Variants in PDE10A observed in about 807,000 individuals in gnomAD.
PDE10A encodes cAMP and cAMP-inhibited cGMP 3',5'-cyclic phosphodiesterase 10A.
PDE10A carries 39 observed loss-of-function variants against 97.7 expected under a neutral mutation model. The observed-to-expected ratio is 0.40, with a 90% CI of 0.31 to 0.52. The LOEUF (loss-of-function observed/expected upper bound fraction) is 0.52. Ranked by LOEUF, PDE10A falls within the 20% of genes least tolerant of loss-of-function variation. The pLI, the probability that PDE10A is intolerant of heterozygous loss-of-function variation, is 0.56. For missense variants in PDE10A, 731 were observed against 1,047.8 expected, an observed-to-expected ratio of 0.70 and a Z score of 4.17; for synonymous variants, 371 against 376.8, an observed-to-expected ratio of 0.98 and a Z score of 0.18.
At chr6:165,917,005 T>A (rs369600627) in intron 1 of PDE10A, among the ~76,000 whole-genome samples, 1 of 152,150 alleles carries the variant, frequency 6.6e-6, no homozygotes, top group East Asian at 1.9e-4. Context: ...ATGTTTCTCC[T>A]AAGACCTGTT....
intron 3 of PDE10A, among the ~76,000 whole-genome samples, chr6:165,459,366 C>CT (rs1464441147): frequency 6.6e-6 from 1 of 152,140 alleles, no homozygotes; most frequent in African/African-American, 2.4e-5. Context: ...TTGTCACATA[C>CT]TTTGCCAGCC....
chr6:165,490,766 C>A (rs2128287083), intron 2 of PDE10A, among the ~76,000 whole-genome samples: 1 of 152,236 alleles, frequency 6.6e-6, no homozygotes, highest in East Asian at 1.9e-4. Context: ...ACCAGCCTGG[C>A]CAACATGGGG....
intron 13 of PDE10A, among the ~76,000 whole-genome samples, chr6:165,396,970 A>C (rs779302110): frequency 3.9e-5 from 6 of 152,202 alleles, no homozygotes; most frequent in Non-Finnish European, 8.8e-5. Flanking sequence ...TACTGTTCTT[A>C]ACAGGACTGA....
chr6:165,424,209 C>A (rs989552947), intron 10 of PDE10A, among the ~76,000 whole-genome samples: 6 of 152,126 alleles, frequency 3.9e-5, no homozygotes, highest in Admixed American at 3.9e-4. Context: ...TACGTTAGAT[C>A]CCATCACAAG....
intron 1 of PDE10A, among the ~76,000 whole-genome samples, chr6:165,677,281 C>T (rs1240108169): frequency 2.0e-5 from 3 of 152,220 alleles, no homozygotes; most frequent in African/African-American, 4.8e-5. Flanking sequence ...AGCCTTCAGG[C>T]TCAAGCTGCA....
intron 2 of PDE10A, among the ~76,000 whole-genome samples, chr6:165,498,085 G>A (rs887217024): frequency 6.6e-6 from 1 of 151,906 alleles, no homozygotes; most frequent in Admixed American, 6.6e-5. Context: ...AGGATGTGGG[G>A]AAATGAGAAG....
At chr6:165,909,855 G>A (rs184740362) in intron 1 of PDE10A, among the ~76,000 whole-genome samples, 1 of 152,044 alleles carries the variant, frequency 6.6e-6, no homozygotes, top group Non-Finnish European at 1.5e-5. Context: ...CCAACTCCTT[G>A]CTGTTCCACC....
intron 1 of PDE10A, among the ~76,000 whole-genome samples, chr6:165,892,033 C>A (rs1057149327): frequency 1.3e-5 from 2 of 152,056 alleles, no homozygotes; most frequent in East Asian, 1.9e-4. Context: ...ATTCTCCCCC[C>A]ACTGACCGGA....
rs146536103 is a variant in PDE10A, at chr6:165,719,371, C to T, written c.-614-175803G>A. On this transcript the variant is annotated intron_variant, in intron 1 of 19. Coordinates refer to the PDE10A transcript ENST00000366882. ...GTGCCCAGAGAGGGAAAGCAGCCAG[C>T]AGGAAGAAAAGGGAAGAATAATGCT... Among the ~76,000 whole-genome samples the T allele has an allele frequency of 9.9e-5, 15 of 152,208 alleles. No homozygotes were observed. In the East Asian group the frequency reaches 2.9e-3, roughly 29 times the overall value.
intron 1 of PDE10A, among the ~76,000 whole-genome samples, chr6:165,670,960 T>C (rs1790631538): frequency 6.6e-6 from 1 of 152,200 alleles, no homozygotes; most frequent in Admixed American, 6.5e-5. Context: ...TTGTCCCTAT[T>C]GATCACATTT....
intron 3 of PDE10A, among the ~76,000 whole-genome samples, chr6:165,481,663 C>T (rs1218991936): frequency 6.6e-6 from 1 of 152,102 alleles, no homozygotes; most frequent in Non-Finnish European, 1.5e-5. Flanking sequence ...TAATTAATCA[C>T]TTATAATTTT....
chr6:165,714,230 C>G (rs1356922180), intron 1 of PDE10A, among the ~76,000 whole-genome samples: 1 of 152,238 alleles, frequency 6.6e-6, no homozygotes, highest in Non-Finnish European at 1.5e-5. Flanking sequence ...CGTGGGCAGT[C>G]AGGATTTCCT....
chr6:165,470,604 T>G (rs577241750), intron 3 of PDE10A, among the ~76,000 whole-genome samples: 2 of 152,352 alleles, frequency 1.3e-5, no homozygotes, highest in South Asian at 4.1e-4. Flanking sequence ...TTGTTTTCTT[T>G]CTAGTTCTTC....
intron 2 of PDE10A, among the ~76,000 whole-genome samples, chr6:165,521,252 C>T (rs1437951096): frequency 1.3e-5 from 2 of 152,064 alleles, no homozygotes; most frequent in African/African-American, 2.4e-5. Flanking sequence ...GGCTGTTCCC[C>T]GATCTCTCTC....
chr6:165,840,474 C>T (rs1780229520), intron 1 of PDE10A, among the ~76,000 whole-genome samples: 1 of 152,140 alleles, frequency 6.6e-6, no homozygotes, highest in Admixed American at 6.5e-5. Context: ...GTAGTCATTA[C>T]CATATAAGAA....
intron 1 of PDE10A, among the ~76,000 whole-genome samples, chr6:165,977,418 C>T (rs573616735): frequency 6.6e-6 from 1 of 152,200 alleles, no homozygotes; most frequent in East Asian, 1.9e-4. Context: ...TTCTTAATAC[C>T]GTCTCCTTCA....
chr6:165,531,370 A>C (rs564427554), intron 2 of PDE10A, among the ~76,000 whole-genome samples: 118 of 151,874 alleles, frequency 7.8e-4, no homozygotes, highest in Non-Finnish European at 1.4e-3. Context: ...TTGTAAACCC[A>C]ATGAGACCAA....
intron 2 of PDE10A, among the ~76,000 whole-genome samples, chr6:165,501,674 T>C (rs929374028): frequency 1.3e-5 from 2 of 152,132 alleles, no homozygotes; most frequent in Non-Finnish European, 2.9e-5. Flanking sequence ...CTTCAAATCC[T>C]AAATAAATAG....
chr6:165,578,403 C>A (rs1380076709), intron 1 of PDE10A, among the ~76,000 whole-genome samples: 1 of 152,082 alleles, frequency 6.6e-6, no homozygotes, highest in Non-Finnish European at 1.5e-5. Context: ...TGCTACAATG[C>A]AATGAAACAA....
Sources: allele counts gnomAD v4.1 joint callset (sites outside exome capture counted in the v4.1 genomes callset), GRCh38; gene constraint gnomAD v4.1.1; transcripts MANE v1.5; gene names NCBI Gene and HGNC (gene_info 2026-07-23, HGNC 2026-07-21).